NRG3: variants seen among roughly 807,000 people sequenced by gnomAD.
NRG3 encodes pro-neuregulin-3, membrane-bound isoform.
NRG3 carries 31 observed loss-of-function variants against 66.9 expected under a neutral mutation model. The observed-to-expected ratio is 0.46, with a 90% CI of 0.35 to 0.63. NRG3 has a LOEUF of 0.63. NRG3 is among the 20% of genes least tolerant of loss of function. The pLI, the probability that NRG3 is intolerant of heterozygous loss-of-function variation, is 0.00. For synonymous variants in NRG3, 393 were observed against 359.4 expected, an observed-to-expected ratio of 1.09 and a Z score of -1.06; for missense variants, 910 against 878.9, an observed-to-expected ratio of 1.04 and a Z score of -0.45.
At chr10:82,698,470 T>G (rs533662494) in intron 2 of NRG3, among the ~76,000 whole-genome samples, 6 of 152,270 alleles carry the variant, frequency 3.9e-5, no homozygotes, top group Admixed American at 1.3e-4. Flanking sequence ...ATAAAATAAC[T>G]TACAATTGCA....
chr10:82,808,255 C>T (rs1591587436), intron 3 of NRG3, among the ~76,000 whole-genome samples: 1 of 150,770 alleles, frequency 6.6e-6, no homozygotes, highest in African/African-American at 2.4e-5. Flanking sequence ...CTTAGAGTTT[C>T]TCCTTTCATT....
At chr10:82,232,193 A>C (rs2076511321) in intron 1 of NRG3, 1 of 152,498 alleles carries the variant, frequency 6.6e-6, no homozygotes. Context: ...TATCATAATA[A>C]ATAGAATATG....
chr10:82,874,622 CAA>C (rs1240273434), intron 4 of NRG3, among the ~76,000 whole-genome samples: 1 of 152,028 alleles, frequency 6.6e-6, no homozygotes, highest in Admixed American at 6.6e-5. Context: ...AGTGGAAAAA[CAA>C]AAGTTACATG....
At chr10:82,723,699 T>C (rs1002482182) in intron 2 of NRG3, among the ~76,000 whole-genome samples, 1 of 152,018 alleles carries the variant, frequency 6.6e-6, no homozygotes, top group African/African-American at 2.4e-5. Context: ...ACATAAATAG[T>C]CCAGGCGTGG....
At chr10:82,957,875 A>G (rs974002700) in intron 5 of NRG3, among the ~76,000 whole-genome samples, 1 of 146,036 alleles carries the variant, frequency 6.8e-6, no homozygotes, top group Non-Finnish European at 1.5e-5. Flanking sequence ...ATTTAGGTCA[A>G]CACTGCAAAG....
chr10:82,701,437 C>T (rs2055872893), intron 2 of NRG3, among the ~76,000 whole-genome samples: 1 of 151,998 alleles, frequency 6.6e-6, no homozygotes, highest in Admixed American at 6.6e-5. Context: ...TTTTGAGATC[C>T]CAAGAGTCTG....
intron 1 of NRG3, among the ~76,000 whole-genome samples, chr10:82,204,979 TG>T (rs1291565649): frequency 2.0e-5 from 3 of 152,214 alleles, no homozygotes; most frequent in African/African-American, 7.2e-5. Flanking sequence ...ATAACTGAAG[TG>T]GGGTTTTCTC....
chr10:82,379,225 A>G (rs2085453379), intron 2 of NRG3, among the ~76,000 whole-genome samples: 1 of 152,070 alleles, frequency 6.6e-6, no homozygotes, highest in Admixed American at 6.6e-5. Flanking sequence ...AGCTCATCCC[A>G]TTTCCACTCT....
chr10:82,153,476 A>G (rs1222579173), intron 1 of NRG3, among the ~76,000 whole-genome samples: 2 of 151,230 alleles, frequency 1.3e-5, no homozygotes, highest in South Asian at 2.1e-4. Context: ...GTGGGCAATT[A>G]CATTGCTTTT....
chr10:82,888,389 G>A (rs1278253274), intron 4 of NRG3, among the ~76,000 whole-genome samples: 3 of 152,152 alleles, frequency 2.0e-5, no homozygotes, highest in African/African-American at 7.2e-5. Context: ...TTTTAAAATT[G>A]TGTAAATGCT....
At chr10:82,541,389 C>T (rs1160275099) in intron 2 of NRG3, among the ~76,000 whole-genome samples, 6 of 152,102 alleles carry the variant, frequency 3.9e-5, no homozygotes, top group Non-Finnish European at 8.8e-5. Flanking sequence ...CTGGGAGCAT[C>T]GGCGGGCTCA....
chr10:82,738,827 G>C (rs1223633353), intron 3 of NRG3, among the ~76,000 whole-genome samples, 177 bp downstream of exon 3: 1 of 152,172 alleles, frequency 6.6e-6, no homozygotes, highest in African/African-American at 2.4e-5. Context: ...GCTCAGTCTA[G>C]GTCTTCTCTG....
chr10:82,450,194 G>A (rs2090952295), intron 2 of NRG3, among the ~76,000 whole-genome samples: 1 of 152,116 alleles, frequency 6.6e-6, no homozygotes, highest in Admixed American at 6.5e-5. Flanking sequence ...TACTTGTTTT[G>A]TTTAAGTTAG....
At chr10:82,964,959 A>G (rs1420814444) in intron 6 of NRG3, among the ~76,000 whole-genome samples, 1 of 152,302 alleles carries the variant, frequency 6.6e-6, no homozygotes, top group African/African-American at 2.4e-5. Context: ...ACCACCTACA[A>G]TGTGCTAGGA....
chr10:81,878,703 T>G (rs1841910434), intron 1 of NRG3, among the ~76,000 whole-genome samples: 1 of 152,216 alleles, frequency 6.6e-6, no homozygotes, highest in Non-Finnish European at 1.5e-5. Flanking sequence ...TTTCTTTTTT[T>G]TAAATGAAAG....
intron 1 of NRG3, among the ~76,000 whole-genome samples, chr10:81,991,021 T>C (rs187883384): frequency 5.3e-5 from 8 of 152,248 alleles, no homozygotes; most frequent in Non-Finnish European, 1.2e-4. Flanking sequence ...GAAGCCTCCA[T>C]TGCCCTTTTC....
chr10:82,446,507 C>G (rs542408209), intron 2 of NRG3, among the ~76,000 whole-genome samples: 2 of 152,128 alleles, frequency 1.3e-5, no homozygotes, highest in Non-Finnish European at 2.9e-5. Context: ...GAGCTGGAAG[C>G]CATTATCCTC....
At chr10:82,468,704 C>T (rs763680277) in intron 2 of NRG3, among the ~76,000 whole-genome samples, 91 of 152,274 alleles carry the variant, frequency 6.0e-4, no homozygotes, top group African/African-American at 2.0e-3. Flanking sequence ...CAGGGAAATG[C>T]CTCACTGAAT....
At chr10:82,560,553 A>G (rs1269492307) in intron 2 of NRG3, among the ~76,000 whole-genome samples, 1 of 150,966 alleles carries the variant, frequency 6.6e-6, no homozygotes, top group African/African-American at 2.4e-5. Flanking sequence ...TTAATTGGCC[A>G]TCTTGTTTTA....
Sources: gnomAD v4.1 joint callset for allele counts (sites outside exome capture counted in the v4.1 genomes callset) on GRCh38, gnomAD v4.1.1 for gene constraint, MANE v1.5 for transcripts, NCBI Gene and HGNC (gene_info 2026-07-23, HGNC 2026-07-21) for gene names.